EP300: variants seen among roughly 807,000 people sequenced by gnomAD.
EP300 encodes the protein histone acetyltransferase p300.
Under a neutral mutation model 264.0 loss-of-function variants are expected in EP300, and 31 were observed. The observed-to-expected ratio is 0.12, with a 90% CI of 0.09 to 0.16. The LOEUF (loss-of-function observed/expected upper bound fraction) is 0.16, where lower values mean the gene tolerates loss of function less well. Ranked by LOEUF, EP300 falls within the 10% of genes least tolerant of loss-of-function variation. The pLI is 1.00. For missense variants in EP300, 2,766 were observed against 3,052.9 expected, an observed-to-expected ratio of 0.91 and a Z score of 2.21; for synonymous variants, 1,340 against 1,045.4, an observed-to-expected ratio of 1.28 and a Z score of -5.44.
chr22:41,146,841 A>G lies in EP300; in HGVS notation c.2131+25A>G, dbSNP rs774942546. 1.9e-6 allele frequency: 3 copies of G among 1,595,404 alleles called. No homozygotes were observed. The African/African-American group carries it at 4.1e-5, about 22-fold the overall frequency. On this transcript the variant is annotated intron_variant, in intron 11 of 30. Transcript: ENST00000263253. ...GGTAAATAGTGAAAAAAATTTTTTTATTTTAAAAGAATCCCCGGTGTACTG... is the reference window on the plus strand; with the variant it reads ...GGTAAATAGTGAAAAAAATTTTTTTGTTTTAAAAGAATCCCCGGTGTACTG...
rs377652798 is a variant in EP300, at chr22:41,169,521, C to T, written c.4191C>T (p.Tyr1397=). 2.0e-5 allele frequency: 32 copies of T among 1,606,966 alleles called. No homozygotes were observed. In the African/African-American group the frequency reaches 3.9e-4, roughly 19 times the overall value. ...PPNQRRVYIS[Y]LDSVHFFRPK... Reference sequence around the variant, plus strand: ...TGTATAGGAGAGTATACATATCTTACCTCGATAGTGTTCATTTCTTCCGTC... The same window carrying T: ...TGTATAGGAGAGTATACATATCTTATCTCGATAGTGTTCATTTCTTCCGTC... The change falls in exon 26 of 31, where the codon TAC becomes TAT. Residue 1397 remains tyrosine (Y), a synonymous_variant. Transcript: ENST00000263253.
At chr22:41,122,213 A>G (rs1425340713) in intron 2 of EP300, among the ~76,000 whole-genome samples, 1 of 127,132 alleles carries the variant, frequency 7.9e-6, no homozygotes, top group Non-Finnish European at 1.5e-5. Flanking sequence ...TCGCCCAGGC[A>G]GGAGTGCAAT....
chr22:41,165,975 G>C (rs1569114718), intron 22 of EP300, among the ~76,000 whole-genome samples: 1 of 151,774 alleles, frequency 6.6e-6, no homozygotes, highest in African/African-American at 2.4e-5. Flanking sequence ...ACTAGAGACA[G>C]GGTTTCATTA....
chr22:41,117,943 C>T, intron 2 of EP300, 122 bp downstream of exon 2: 2 of 1,499,682 alleles, frequency 1.3e-6, no homozygotes, highest in Non-Finnish European at 1.8e-6. Context: ...ATTTACTGTG[C>T]TGTCATAAGT....
Position 41,169,604 on chromosome 22 carries a change from T to G in EP300, c.4274T>G (p.Val1425Gly), listed in dbSNP as rs1285984054. ...HEILIGYLEY[V>G]KKLGYTTGHI... Reference sequence around the variant, plus strand: ...ATCCTAATTGGATATTTAGAATATGTCAAGAAATTAGGGTAAGCATATTTT... The same window carrying G: ...ATCCTAATTGGATATTTAGAATATGGCAAGAAATTAGGGTAAGCATATTTT... Residue 1425 changes from valine (V) to glycine (G), a missense_variant, in exon 26 of 31, where the codon GTC becomes GGC. Val to Gly is a moderately radical substitution (Grantham distance 109). Coordinates refer to ENST00000263253, the MANE Select transcript of EP300 (RefSeq NM_001429.4). The G allele has an allele frequency of 3.1e-6, 5 of 1,591,466 alleles. No individual in the cohort carries two copies. Among genetic ancestry groups the G allele is most frequent in the Non-Finnish European group, 4.3e-6 (5 of 1,161,726 alleles).
chr22:41,147,720 A>G (rs2059019821), intron 11 of EP300, 117 bp from the exon 12 acceptor site: 6 of 765,730 alleles, frequency 7.8e-6, no homozygotes, highest in South Asian at 1.5e-5. Context: ...CCTGGGCGAC[A>G]GAGCAAGACT....
chr22:41,157,759 A>G (rs1195565255), intron 18 of EP300, among the ~76,000 whole-genome samples: 1 of 152,054 alleles, frequency 6.6e-6, no homozygotes, highest in Non-Finnish European at 1.5e-5. Flanking sequence ...GGGCTCAAGC[A>G]GTCCTCCTGC....
intron 22 of EP300, among the ~76,000 whole-genome samples, chr22:41,165,707 C>A: frequency 6.6e-6 from 1 of 151,688 alleles, no homozygotes; most frequent in East Asian, 2.0e-4. Flanking sequence ...ACAGCATGAG[C>A]CACTGCACCT....
chr22:41,120,345 G>C (rs1036424392), intron 2 of EP300, among the ~76,000 whole-genome samples: 7 of 152,092 alleles, frequency 4.6e-5, no homozygotes, highest in East Asian at 1.9e-4. Context: ...TCCTTGTGTC[G>C]TGGCACACCC....
intron 1 of EP300, among the ~76,000 whole-genome samples, chr22:41,116,978 T>G (rs913998446): frequency 2.6e-5 from 4 of 152,142 alleles, no homozygotes; most frequent in Non-Finnish European, 5.9e-5. Flanking sequence ...TAGAATCACT[T>G]GAACCTGTGG....
chr22:41,133,955 T>TA (rs2058934869), intron 6 of EP300, among the ~76,000 whole-genome samples: 1 of 152,190 alleles, frequency 6.6e-6, no homozygotes, highest in South Asian at 2.1e-4. Flanking sequence ...TGACTTTTAA[T>TA]AATTTAAGAT....
Position 41,093,088 on chromosome 22 carries a change from CGAT to C in EP300, c.86_88del (p.Asp29del). 6.2e-7 allele frequency: 1 copy of C among 1,614,126 alleles called. No homozygotes were observed. Among genetic ancestry groups the C allele is most frequent in the Non-Finnish European group, 8.5e-7 (1 of 1,180,020 alleles). On this transcript the variant is annotated inframe_deletion, in exon 1 of 31. Transcript: ENST00000263253. ...CTCCGGCCCTCTCGGCGTCCGCCAG[CGAT>C]GGCACAGGTTAGTTTCGGCAGCCCC...
rs1305724298 is a variant in EP300 at position 41,149,085 on chromosome 22, G to A, written c.2289G>A (p.Gln763=). The A allele has an allele frequency of 6.2e-7, 1 of 1,613,496 alleles. No homozygotes were observed. Among genetic ancestry groups the A allele is most frequent in the South Asian group, 1.1e-5 (1 of 91,072 alleles). ...TGCAACAGCCTTCCAACCAGGGCCA[G>A]TTCCTTCCTCAGACTCAGTTCCCAT... The part of the protein sequence containing the change: ...PRMQQPSNQG[Q]FLPQTQFPSQ... Residue 763 remains glutamine, a synonymous_variant, in exon 13 of 31, where the codon CAG becomes CAA. Coordinates refer to ENST00000263253, the MANE Select transcript of EP300 (RefSeq NM_001429.4).
intron 8 of EP300, among the ~76,000 whole-genome samples, chr22:41,139,753 C>T (rs984001366): frequency 1.3e-5 from 2 of 152,082 alleles, no homozygotes; most frequent in African/African-American, 4.8e-5. Flanking sequence ...GATGTTTTAA[C>T]ATTTTAGAGT....
At chr22:41,098,046 C>T (rs1286100411) in intron 1 of EP300, among the ~76,000 whole-genome samples, 8 of 151,668 alleles carry the variant, frequency 5.3e-5, no homozygotes, top group Admixed American at 5.3e-4. Flanking sequence ...ATGTGCACAA[C>T]GTGCAGGTTT....
intron 10 of EP300, among the ~76,000 whole-genome samples, chr22:41,146,127 T>C (rs953825202): frequency 2.0e-5 from 3 of 151,942 alleles, no homozygotes; most frequent in Admixed American, 1.3e-4. Context: ...ACTCAGACTT[T>C]GTTAAACAAT....
Position 41,102,855 on chromosome 22 carries a change from T to A in EP300, c.94+9757T>A, listed in dbSNP as rs556768451. Among the ~76,000 whole-genome samples the A allele has an allele frequency of 2.6e-5, 4 of 152,234 alleles. No homozygotes were observed. The South Asian group carries it at 6.2e-4, about 24-fold the overall frequency. Reference sequence around the variant, plus strand: ...GCAACTTGTTGGGTGATGATTTATTTATTATTTATTTATTTATTTTGAGAC... The same window carrying A: ...GCAACTTGTTGGGTGATGATTTATTAATTATTTATTTATTTATTTTGAGAC... On this transcript the variant is annotated intron_variant, in intron 1 of 30. Coordinates refer to ENST00000263253, the MANE Select transcript of EP300 (RefSeq NM_001429.4).
chr22:41,179,611 A>T lies in EP300; in HGVS notation c.*655A>T. 4.6e-6 allele frequency: 1 copy of T among 216,392 alleles called. No individual in the cohort carries two copies. The highest frequency in any genetic ancestry group is 9.3e-6 in the Non-Finnish European group (1 of 107,822). The allele number at this position is 216,392 out of a possible 1,614,324, so 13.4% of individuals were successfully genotyped here. On this transcript the variant is annotated 3_prime_UTR_variant, in exon 31 of 31. Transcript: ENST00000263253. ...GAAAATTTTCTATTCTGTAAGTCTG[A>T]GCGTAAAACTTCAAGTATTAAAATA... is the stretch of plus-strand genomic sequence containing the variant.
intron 29 of EP300, 138 bp from the exon 30 acceptor site, chr22:41,176,109 A>T: frequency 1.0e-6 from 1 of 964,784 alleles, no homozygotes; most frequent in Non-Finnish European, 1.6e-6. Flanking sequence ...GGTCTCAGCT[A>T]TTCAGGAGGC....
Sources: allele counts gnomAD v4.1 joint callset (sites outside exome capture counted in the v4.1 genomes callset), GRCh38; gene constraint gnomAD v4.1.1; transcripts MANE v1.5; gene names NCBI Gene and HGNC (gene_info 2026-07-23, HGNC 2026-07-21).